The following EPHA3 variants were observed in gnomAD, a reference collection of about 807,000 sequenced individuals.
EPHA3 encodes EPH receptor A3.
EPHA3 carries 42 observed loss-of-function variants against 107.1 expected under a neutral mutation model. The observed-to-expected ratio is 0.39, with a 90% CI of 0.31 to 0.51. The LOEUF is 0.51. Among genes scored for constraint, EPHA3 ranks in the 20% least tolerant of loss-of-function variants. EPHA3 has a pLI of 0.78. For synonymous variants in EPHA3, 461 were observed against 424.8 expected (o/e 1.09, Z -1.05); for missense variants, 1,183 against 1,211.2 (o/e 0.98, Z 0.35).
At chr3:89,161,456 T>C (rs936180806) in intron 2 of EPHA3, among the ~76,000 whole-genome samples, 2 of 152,194 alleles carry the variant, frequency 1.3e-5, no homozygotes, top group South Asian at 2.1e-4. Context: ...GTCTTATAGC[T>C]TACTTTTTTT....
At chr3:89,188,268 G>A in intron 2 of EPHA3, among the ~76,000 whole-genome samples, 1 of 152,190 alleles carries the variant, frequency 6.6e-6, no homozygotes, top group East Asian at 1.9e-4. Context: ...TCTATCATAG[G>A]CACGTGAATG....
At position 89,341,086 on chromosome 3, in the gene EPHA3, T is replaced by G; in HGVS notation, c.970+15T>G. On this transcript the variant is annotated intron_variant, in intron 4 of 16. Coordinates refer to ENST00000336596, the MANE Select transcript of EPHA3 (RefSeq NM_005233.6). Reference sequence around the variant, plus strand: ...GGCTTGTACCCGTGAGTAGTTTTGCTGCAACCCATGCCTCCATGTTTGTTT... The same window carrying G: ...GGCTTGTACCCGTGAGTAGTTTTGCGGCAACCCATGCCTCCATGTTTGTTT... 6.2e-7 allele frequency: 1 copy of G among 1,609,710 alleles called. No individual in the cohort carries two copies. Among genetic ancestry groups the G allele is most frequent in the Non-Finnish European group, 8.5e-7 (1 of 1,178,434 alleles).
intron 3 of EPHA3, among the ~76,000 whole-genome samples, chr3:89,319,963 T>C (rs1707005289): frequency 6.6e-6 from 1 of 151,884 alleles, no homozygotes; most frequent in Admixed American, 6.6e-5. Flanking sequence ...AACAAAGTGG[T>C]ATTTATAAAT....
intron 13 of EPHA3, among the ~76,000 whole-genome samples, chr3:89,446,738 A>T (rs529014482): frequency 2.6e-5 from 4 of 151,920 alleles, no homozygotes; most frequent in African/African-American, 9.6e-5. Flanking sequence ...ACACTTCACA[A>T]TTTCAGTATT....
chr3:89,261,745 T>A (rs1705422013), intron 3 of EPHA3, among the ~76,000 whole-genome samples: 1 of 152,082 alleles, frequency 6.6e-6, no homozygotes, highest in East Asian at 1.9e-4. Flanking sequence ...TAGTATATTG[T>A]CCTTAACATT....
intron 2 of EPHA3, among the ~76,000 whole-genome samples, chr3:89,142,692 C>A (rs1217472854): frequency 6.6e-6 from 1 of 151,170 alleles, no homozygotes; most frequent in African/African-American, 2.4e-5. Flanking sequence ...ATACTGTGGC[C>A]AAAGTGCACC....
At chr3:89,393,534 A>G (rs1361314820) in intron 5 of EPHA3, among the ~76,000 whole-genome samples, 1 of 152,210 alleles carries the variant, frequency 6.6e-6, no homozygotes, top group Non-Finnish European at 1.5e-5. Context: ...GGAAAAAATG[A>G]AAGTTTCATG....
intron 2 of EPHA3, among the ~76,000 whole-genome samples, chr3:89,146,325 G>T (rs945974231): frequency 6.6e-6 from 1 of 151,770 alleles, no homozygotes; most frequent in Non-Finnish European, 1.5e-5. Flanking sequence ...CCCCCAAAGT[G>T]CATGAGTAAT....
chr3:89,208,240 G>A (rs564225653), intron 2 of EPHA3, among the ~76,000 whole-genome samples: 44 of 151,580 alleles, frequency 2.9e-4, no homozygotes, highest in South Asian at 2.1e-4. Context: ...TGTGGTGTTG[G>A]GGGCCTATAA....
intron 3 of EPHA3, among the ~76,000 whole-genome samples, chr3:89,242,849 A>G (rs964599812): frequency 1.2e-4 from 18 of 151,422 alleles, no homozygotes; most frequent in Non-Finnish European, 1.9e-4. Context: ...GGTGTGCTGC[A>G]CCCATTAACT....
chr3:89,234,699 C>T (rs1704712322), intron 3 of EPHA3, among the ~76,000 whole-genome samples: 2 of 150,800 alleles, frequency 1.3e-5, no homozygotes, highest in Admixed American at 6.6e-5. Flanking sequence ...CCTTTCCTTC[C>T]TTCTTTCCCC....
intron 2 of EPHA3, among the ~76,000 whole-genome samples, chr3:89,185,357 T>G (rs1007599481): frequency 4.6e-5 from 7 of 152,056 alleles, no homozygotes; most frequent in African/African-American, 1.7e-4. Flanking sequence ...CAGCACCTGT[T>G]GGGGCTGAAT....
chr3:89,234,918 T>C (rs556633960), intron 3 of EPHA3, among the ~76,000 whole-genome samples: 4 of 120,314 alleles, frequency 3.3e-5, no homozygotes, highest in Non-Finnish European at 3.6e-5. Flanking sequence ...CTTCCTGCCT[T>C]CCTTCCCTCC....
At chr3:89,470,289 C>T (rs1710374397) in intron 15 of EPHA3, among the ~76,000 whole-genome samples, 1 of 152,010 alleles carries the variant, frequency 6.6e-6, no homozygotes, top group Non-Finnish European at 1.5e-5. Flanking sequence ...TTTCTAGTTA[C>T]TTAAAATGGT....
chr3:89,421,486 GA>G (rs147455882), intron 11 of EPHA3, among the ~76,000 whole-genome samples: 6 of 150,740 alleles, frequency 4.0e-5, no homozygotes, highest in East Asian at 2.0e-4. Flanking sequence ...AGAGAGTGAT[GA>G]AAAAAAATGA....
At chr3:89,385,396 A>G (rs937708585) in intron 5 of EPHA3, among the ~76,000 whole-genome samples, 5 of 152,162 alleles carry the variant, frequency 3.3e-5, no homozygotes, top group Admixed American at 3.3e-4. Context: ...TGTTACCCTC[A>G]TGCTGTTCTC....
At chr3:89,383,177 T>C (rs1350355154) in intron 5 of EPHA3, among the ~76,000 whole-genome samples, 1 of 152,208 alleles carries the variant, frequency 6.6e-6, no homozygotes, top group Non-Finnish European at 1.5e-5. Context: ...TTCCACTCTA[T>C]AGTTGTAGTT....
intron 5 of EPHA3, among the ~76,000 whole-genome samples, chr3:89,357,909 T>A (rs974880935): frequency 6.6e-6 from 1 of 151,344 alleles, no homozygotes; most frequent in Non-Finnish European, 1.5e-5. Context: ...TCTAAGCTGC[T>A]TTTACAAATT....
chr3:89,230,328 C>T (rs6419885), intron 3 of EPHA3, among the ~76,000 whole-genome samples: 141,744 of 152,170 alleles, frequency 0.93, 66,070 homozygotes, highest in Admixed American at 0.96. Flanking sequence ...CACCAAACCA[C>T]AGAAAATTTC....
Sources: gnomAD v4.1 joint callset for allele counts (sites outside exome capture counted in the v4.1 genomes callset) on GRCh38, gnomAD v4.1.1 for gene constraint, MANE v1.5 for transcripts, NCBI Gene and HGNC (gene_info 2026-07-23, HGNC 2026-07-21) for gene names.